The following MXD1 variants were observed in gnomAD, a reference collection of about 807,000 sequenced individuals.
The protein encoded by MXD1 is MAX dimerization protein 1.
In MXD1, 9 loss-of-function variants were observed where a neutral mutation model predicts 25.7. That is an observed-to-expected ratio of 0.35 (90% CI 0.21 to 0.61). MXD1 has a LOEUF of 0.61. Ranked by LOEUF, MXD1 falls within the 20% of genes least tolerant of loss-of-function variation. MXD1 has a pLI of 0.75. For synonymous variants in MXD1, 99 were observed against 113.9 expected (o/e 0.87, Z 0.83); for missense variants, 227 against 292.4 (o/e 0.78, Z 1.63).
chr2:69,928,462 G>T (rs1213882822), intron 3 of MXD1, among the ~76,000 whole-genome samples: 1 of 152,164 alleles, frequency 6.6e-6, no homozygotes, highest in Non-Finnish European at 1.5e-5. Context: ...ATCTATCAGG[G>T]TTTGAATATA....
rs1471053771 is a variant in MXD1, at chr2:69,939,631, C to T, written c.*1347C>T. The T allele has an allele frequency of 6.6e-6, 1 of 152,500 alleles. No homozygotes were observed. Among genetic ancestry groups the T allele is most frequent in the Non-Finnish European group, 1.5e-5 (1 of 68,002 alleles). The allele number at this position is 152,500 out of a possible 1,614,324, so 9.4% of individuals were successfully genotyped here. On this transcript the variant is annotated 3_prime_UTR_variant, in exon 6 of 6. Transcript: ENST00000264444. ...AGGTATCTACAAAATTAGTTCATTC[C>T]CCTGAATATTTTTGCATTCATATTT... is the stretch of plus-strand genomic sequence containing the variant.
chr2:69,928,942 G>T (rs1677222053), intron 3 of MXD1, among the ~76,000 whole-genome samples: 1 of 152,164 alleles, frequency 6.6e-6, no homozygotes, highest in South Asian at 2.1e-4. Flanking sequence ...CACCCAGGCT[G>T]GAGTACAGTG....
intron 2 of MXD1, among the ~76,000 whole-genome samples, chr2:69,920,396 A>AT (rs1448995456): frequency 6.6e-6 from 1 of 152,086 alleles, no homozygotes; most frequent in East Asian, 1.9e-4. Flanking sequence ...TTTCTCATTT[A>AT]TTTTTTCTTC....
In MXD1 at chr2:69,915,317, GC is replaced by G. The variant is rs778477412; in HGVS notation, c.-9del. 40 of 1,308,554 alleles carry G rather than the reference GC, an allele frequency of 3.1e-5. No individual in the cohort carries two copies. Among genetic ancestry groups the G allele is most frequent in the East Asian group, 2.5e-4 (8 of 32,144 alleles). 81.1% of individuals were successfully genotyped at this position (1,308,554 alleles called of 1,614,324 possible). Reference sequence around the variant, plus strand: ...AGTGGGGGTTGGTCCCGTGGCTCCGGCCCCCGGTGCAGAATGGCGGCGGCGG... The same window carrying G: ...AGTGGGGGTTGGTCCCGTGGCTCCGGCCCCGGTGCAGAATGGCGGCGGCGG... On this transcript the variant is annotated 5_prime_UTR_variant, in exon 1 of 6. Transcript: ENST00000264444. This position sits in a 1 kb window ranked among gnomAD's most constrained non-coding sequence, Gnocchi z 5.8.
intron 3 of MXD1, among the ~76,000 whole-genome samples, chr2:69,930,881 A>T (rs1312100701): frequency 1.3e-5 from 2 of 152,180 alleles, no homozygotes; most frequent in African/African-American, 4.8e-5. Flanking sequence ...CTCAGTCAAT[A>T]CCCATGACAG....
At chr2:69,925,112 G>A (rs544908312) in intron 3 of MXD1, among the ~76,000 whole-genome samples, 1 of 152,128 alleles carries the variant, frequency 6.6e-6, no homozygotes, top group Non-Finnish European at 1.5e-5. Flanking sequence ...TAAAGACTAC[G>A]CACTGCTGTG....
Position 69,915,624 on chromosome 2 carries a change from C to G in MXD1, c.73+221C>G, listed in dbSNP as rs986419221. On this transcript the variant is annotated intron_variant, in intron 1 of 5. Transcript: ENST00000264444. The surrounding 1 kb of genome is among the most constrained non-coding windows in gnomAD (Gnocchi z 5.8). ...AAGGGGCTGCCGCCCGCCGGGGTCCCGAACGCCGCCCCTTCCCCAGCCCTT... is the reference window on the plus strand; with the variant it reads ...AAGGGGCTGCCGCCCGCCGGGGTCCGGAACGCCGCCCCTTCCCCAGCCCTT... Among the ~76,000 whole-genome samples, 1 of 152,206 alleles carries G rather than the reference C, an allele frequency of 6.6e-6. No homozygotes were observed. Among genetic ancestry groups the G allele is most frequent in the African/African-American group, 2.4e-5 (1 of 41,452 alleles).
At chr2:69,936,987 G>A in intron 4 of MXD1, 1 of 617,024 alleles carries the variant, frequency 1.6e-6, no homozygotes, top group Non-Finnish European at 3.1e-6. Flanking sequence ...GTGCCAGTAT[G>A]TGAGAGCTCA....
intron 5 of MXD1, among the ~76,000 whole-genome samples, chr2:69,937,778 C>T (rs1677490148): frequency 6.6e-6 from 1 of 152,168 alleles, no homozygotes; most frequent in Non-Finnish European, 1.5e-5. Context: ...CAATGCCTGG[C>T]AAATTTTCCT....
chr2:69,932,294 G>A (rs1031847378), intron 3 of MXD1, among the ~76,000 whole-genome samples: 16 of 152,214 alleles, frequency 1.1e-4, no homozygotes, highest in Admixed American at 1.0e-3. Flanking sequence ...TAACAGAGGG[G>A]TCTGTTTGCT....
At position 69,940,165 on chromosome 2, in the gene MXD1, T is replaced by C. The variant is rs574329580; in HGVS notation, c.*1881T>C. ...ACAAAGGATTTTTTTTTTTTTTTTT[T>C]AATTTTTGGAATCTTTTCCAATAAC... On this transcript the variant is annotated 3_prime_UTR_variant, in exon 6 of 6. Transcript: ENST00000264444. The C allele has an allele frequency of 6.7e-6, 1 of 149,966 alleles. No homozygotes were observed. The highest frequency in any genetic ancestry group is 2.5e-5 in the African/African-American group (1 of 40,408). 9.3% of individuals were successfully genotyped at this position (149,966 alleles called of 1,614,324 possible).
At chr2:69,935,309 A>G (rs374391866) in intron 3 of MXD1, 42 bp from the exon 4 acceptor site, 1 of 1,438,854 alleles carries the variant, frequency 6.9e-7, no homozygotes, top group Non-Finnish European at 9.8e-7. Context: ...CTTCTGGCCC[A>G]CTGTGAAACT....
chr2:69,923,152 C>CAACA (rs925992653), intron 3 of MXD1, among the ~76,000 whole-genome samples: 1 of 151,670 alleles, frequency 6.6e-6, no homozygotes, highest in Non-Finnish European at 1.5e-5. Flanking sequence ...TTTTAAAAGC[C>CAACA]AACAAACAAA....
rs572042567 is a variant in MXD1, at chr2:69,921,405, C to T, written c.174-331C>T. Among the ~76,000 whole-genome samples, 4 of 152,262 alleles carry T rather than the reference C, an allele frequency of 2.6e-5. No individual in the cohort carries two copies. The South Asian group carries it at 8.3e-4, about 32-fold the overall frequency. On this transcript the variant is annotated intron_variant, in intron 2 of 5. Coordinates refer to ENST00000264444, the MANE Select transcript of MXD1 (RefSeq NM_002357.4). Reference sequence around the variant, plus strand: ...ACCCTTAGCCTACAGAAAGCTTTGTCGTATTATATAACGCAAATTCACATT... The same window carrying T: ...ACCCTTAGCCTACAGAAAGCTTTGTTGTATTATATAACGCAAATTCACATT...
At chr2:69,930,391 G>C (rs921845421) in intron 3 of MXD1, among the ~76,000 whole-genome samples, 1 of 152,114 alleles carries the variant, frequency 6.6e-6, no homozygotes, top group Non-Finnish European at 1.5e-5. Flanking sequence ...CAGGACACTT[G>C]CTCCTGCAGC....
chr2:69,931,331 G>A (rs1218479776), intron 3 of MXD1, among the ~76,000 whole-genome samples: 3 of 151,020 alleles, frequency 2.0e-5, no homozygotes, highest in African/African-American at 2.4e-5. Context: ...GCCCACCCCC[G>A]CTACCTTTCC....
chr2:69,920,497 C>T (rs960228964), intron 2 of MXD1, among the ~76,000 whole-genome samples: 3 of 152,116 alleles, frequency 2.0e-5, no homozygotes, highest in African/African-American at 7.2e-5. Flanking sequence ...TCCTCACTTC[C>T]GCTGCCATCC....
chr2:69,933,641 C>T (rs1269271484), intron 3 of MXD1, among the ~76,000 whole-genome samples: 2 of 152,180 alleles, frequency 1.3e-5, no homozygotes, highest in Non-Finnish European at 2.9e-5. Context: ...GCAGGAGGCT[C>T]AGAAGGAAGG....
rs1341650340 is a variant in MXD1, at chr2:69,941,739, G to A, written c.*3455G>A. 1 of 152,132 alleles carries A rather than the reference G, an allele frequency of 6.6e-6. No individual in the cohort carries two copies. The highest frequency in any genetic ancestry group is 1.5e-5 in the Non-Finnish European group (1 of 68,012). 9.4% of individuals were successfully genotyped at this position (152,132 alleles called of 1,614,324 possible). A position where few individuals can be genotyped will look rare whatever the true frequency, so the allele number is the denominator to read the frequency against. On this transcript the variant is annotated 3_prime_UTR_variant, in exon 6 of 6. Transcript: ENST00000264444. ...AAAAAAGTGTAAACTAGGTAGGATTGTGATGCTCAAAATAACCATCTAGCA... is the reference window on the plus strand; with the variant it reads ...AAAAAAGTGTAAACTAGGTAGGATTATGATGCTCAAAATAACCATCTAGCA...
Sources: gnomAD v4.1 joint callset for allele counts (sites outside exome capture counted in the v4.1 genomes callset) on GRCh38, gnomAD v4.1.1 for gene constraint, Gnocchi (gnomAD v3.1) non-coding constraint, MANE v1.5 for transcripts, NCBI Gene and HGNC (gene_info 2026-07-23, HGNC 2026-07-21) for gene names.